The following NTM variants were observed in gnomAD, a reference collection of about 807,000 sequenced individuals.
The protein encoded by NTM is neurotrimin.
Under a neutral mutation model 42.1 loss-of-function variants are expected in NTM, and 13 were observed. That is an observed-to-expected ratio of 0.31 (90% CI 0.20 to 0.49). The LOEUF (loss-of-function observed/expected upper bound fraction) is 0.49, where lower values mean the gene tolerates loss of function less well. Among genes scored for constraint, NTM ranks in the 20% least tolerant of loss-of-function variants. The pLI is 0.99. For synonymous variants in NTM, 187 were observed against 179.2 expected, an observed-to-expected ratio of 1.04 and a Z score of -0.35; for missense variants, 373 against 452.8, an observed-to-expected ratio of 0.82 and a Z score of 1.60.
chr11:131,387,480 T>C (rs1472799915), intron 1 of NTM, among the ~76,000 whole-genome samples: 1 of 152,214 alleles, frequency 6.6e-6, no homozygotes, highest in Non-Finnish European at 1.5e-5. Context: ...ACACTGTACA[T>C]TCCCATCTTA....
chr11:131,866,478 G>T (rs2047232529), intron 1 of NTM, among the ~76,000 whole-genome samples: 1 of 152,252 alleles, frequency 6.6e-6, no homozygotes, highest in Non-Finnish European at 1.5e-5. Flanking sequence ...CGTAGGGCCA[G>T]GTTGGCCATG....
chr11:131,622,744 G>A (rs1317886851), intron 1 of NTM, among the ~76,000 whole-genome samples: 1 of 152,160 alleles, frequency 6.6e-6, no homozygotes, highest in African/African-American at 2.4e-5. Flanking sequence ...CAGTAGAGAT[G>A]TGTCCTGATG....
intron 1 of NTM, among the ~76,000 whole-genome samples, chr11:131,616,969 C>T (rs1250584922): frequency 1.3e-5 from 2 of 152,156 alleles, no homozygotes; most frequent in Admixed American, 6.5e-5. Flanking sequence ...TTCTTACACC[C>T]CAGATGCTGG....
chr11:131,567,587 C>G (rs910571899), intron 1 of NTM, among the ~76,000 whole-genome samples: 1 of 152,198 alleles, frequency 6.6e-6, no homozygotes, highest in Non-Finnish European at 1.5e-5. Flanking sequence ...CATTGCTGCT[C>G]AGGGCCCATC....
Position 131,734,052 on chromosome 11 carries a change from G to C in NTM, c.83-177512G>C, listed in dbSNP as rs2080088969. 2.6e-5 allele frequency among the ~76,000 whole-genome samples: 4 copies of C among 152,198 alleles called. No homozygotes were observed. The South Asian group carries it at 8.3e-4, about 32-fold the overall frequency. On this transcript the variant is annotated intron_variant, in intron 1 of 8. Coordinates refer to ENST00000683400, the MANE Select transcript of NTM (RefSeq NM_001352005.2). ...ACAAATAATTCTTACAATAGCAACT[G>C]ATGGCAGACTGCAGTGGGGCACAGA...
chr11:131,913,487 G>T (rs1241346308), intron 2 of NTM, among the ~76,000 whole-genome samples: 4 of 152,200 alleles, frequency 2.6e-5, no homozygotes, highest in African/African-American at 9.7e-5. Flanking sequence ...CCAGAGGGTG[G>T]CTGCATTCAG....
At chr11:131,497,858 A>T (rs1955514644) in intron 1 of NTM, among the ~76,000 whole-genome samples, 1 of 152,038 alleles carries the variant, frequency 6.6e-6, no homozygotes, top group African/African-American at 2.4e-5. Flanking sequence ...AGTCATCCTT[A>T]GTCACCTGTT....
chr11:131,507,273 A>T (rs192415775), intron 1 of NTM, among the ~76,000 whole-genome samples: 2,333 of 152,052 alleles, frequency 0.015, 58 homozygotes, highest in African/African-American at 0.053. Context: ...CTTTCTACAT[A>T]TGGCTAGCCA....
chr11:131,877,291 C>T lies in NTM; in HGVS notation c.83-34273C>T, dbSNP rs537745167. Among the ~76,000 whole-genome samples the T allele has an allele frequency of 5.3e-5, 8 of 152,352 alleles. No homozygotes were observed. In the East Asian group the frequency reaches 1.5e-3, roughly 29 times the overall value. ...AAGGATCTGCATTGTTCAGTGCCAC[C>T]TGCCAGGACCTATGGAGTCTCCCCA... On this transcript the variant is annotated intron_variant, in intron 1 of 8. Transcript: ENST00000683400.
intron 1 of NTM, among the ~76,000 whole-genome samples, chr11:131,667,431 A>G (rs2069267321): frequency 6.6e-6 from 1 of 152,156 alleles, no homozygotes; most frequent in South Asian, 2.1e-4. Context: ...CTCACCCTTG[A>G]ATCCACCCTT....
At chr11:132,328,189 C>G (rs2095723722) in intron 7 of NTM, among the ~76,000 whole-genome samples, 1 of 152,216 alleles carries the variant, frequency 6.6e-6, no homozygotes, top group Middle Eastern at 3.4e-3. Flanking sequence ...GGGGGGTGGA[C>G]TGGAATGAGC....
At chr11:131,987,666 T>A (rs1001704081) in intron 2 of NTM, among the ~76,000 whole-genome samples, 1 of 152,090 alleles carries the variant, frequency 6.6e-6, no homozygotes, top group Non-Finnish European at 1.5e-5. Context: ...ATAAAGAAAA[T>A]CTTAATAAAA....
intron 6 of NTM, among the ~76,000 whole-genome samples, chr11:132,311,357 A>T (rs143670652): frequency 6.6e-5 from 10 of 152,250 alleles, no homozygotes; most frequent in Non-Finnish European, 1.5e-4. Context: ...TTTAAAAAAA[A>T]ATTTTTAAGG....
chr11:131,497,540 G>A (rs901919750), intron 1 of NTM, among the ~76,000 whole-genome samples: 1 of 152,162 alleles, frequency 6.6e-6, no homozygotes, highest in African/African-American at 2.4e-5. Context: ...GATGTGTGGT[G>A]CCCATGTTGG....
At chr11:131,796,583 A>T (rs1459544086) in intron 1 of NTM, among the ~76,000 whole-genome samples, 3 of 152,162 alleles carry the variant, frequency 2.0e-5, no homozygotes, top group Non-Finnish European at 2.9e-5. Flanking sequence ...AGCCAACAGG[A>T]AACCAGTTGA....
At chr11:131,426,425 C>T (rs1948142562) in intron 1 of NTM, among the ~76,000 whole-genome samples, 3 of 152,256 alleles carry the variant, frequency 2.0e-5, no homozygotes, top group Middle Eastern at 6.8e-3. Context: ...CTGCTTTTAG[C>T]TCAAAGGAGC....
intron 1 of NTM, among the ~76,000 whole-genome samples, chr11:131,707,648 C>T (rs539545587): frequency 7.2e-4 from 110 of 152,208 alleles, no homozygotes; most frequent in African/African-American, 2.2e-3. Flanking sequence ...CACATTCTTT[C>T]CAGCACTGTT....
At chr11:131,979,751 T>A (rs192241976) in intron 2 of NTM, among the ~76,000 whole-genome samples, 302 of 152,340 alleles carry the variant, frequency 2.0e-3, no homozygotes, top group Middle Eastern at 3.4e-3. Context: ...TTGAAAGACA[T>A]TTGACATCCA....
In NTM at chr11:131,829,845, A is replaced by AT. The variant is rs1376660085; in HGVS notation, c.83-81713dup. Among the ~76,000 whole-genome samples the AT allele has an allele frequency of 3.9e-5, 6 of 152,002 alleles. No individual in the cohort carries two copies. The East Asian group carries it at 1.2e-3, about 29-fold the overall frequency. ...TTCTGCAGCCTTGCGAGCATCAGTT[A>AT]TTTTTTGACTTTTTAATAATAGCCA... is the stretch of plus-strand genomic sequence containing the variant. On this transcript the variant is annotated intron_variant, in intron 1 of 8. Transcript: ENST00000683400.
Sources: gnomAD v4.1 joint callset for allele counts (sites outside exome capture counted in the v4.1 genomes callset) on GRCh38, gnomAD v4.1.1 for gene constraint, MANE v1.5 for transcripts, NCBI Gene and HGNC (gene_info 2026-07-23, HGNC 2026-07-21) for gene names.